Variants in KIF4A observed in about 807,000 individuals in gnomAD.
The protein encoded by KIF4A is chromosome-associated kinesin KIF4A.
In KIF4A, 7 loss-of-function variants were observed where a neutral mutation model predicts 105.9. The observed-to-expected ratio is 0.07, with a 90% confidence interval of 0.04 to 0.12. The LOEUF (loss-of-function observed/expected upper bound fraction) is 0.12. Ranked by LOEUF, KIF4A falls within the 10% of genes least tolerant of loss-of-function variation. The probability of loss-of-function intolerance (pLI) is 1.00; values close to 1 mark genes in which losing one functional copy is unlikely to be tolerated. For synonymous variants in KIF4A, 281 were observed against 331.3 expected, an observed-to-expected ratio of 0.85 and a Z score of 1.65; for missense variants, 558 against 929.2, an observed-to-expected ratio of 0.60 and a Z score of 5.19.
intron 23 of KIF4A, among the ~76,000 whole-genome samples, chrX:70,403,323 T>C (rs2086288958): frequency 8.9e-6 from 1 of 112,494 alleles, no homozygotes; most frequent in South Asian, 3.7e-4. Context: ...TTGATCAGTC[T>C]TGTGAACACT....
intron 7 of KIF4A, 88 bp from the exon 8 acceptor site, chrX:70,329,317 T>C: frequency 8.6e-6 from 7 of 810,164 alleles, no homozygotes; most frequent in Non-Finnish European, 1.1e-5. Context: ...TTTTATGGGG[T>C]CTTTATTTCT....
At chrX:70,404,657 A>C in intron 24 of KIF4A, 58 bp from the exon 25 acceptor site, 2 of 853,362 alleles carry the variant, frequency 2.3e-6, no homozygotes, top group South Asian at 4.7e-5. Flanking sequence ...ACTAAGTCAA[A>C]ATTTCTTTTT....
chrX:70,401,289 A>C (rs763082063), intron 22 of KIF4A, among the ~76,000 whole-genome samples: 24 of 109,797 alleles, frequency 2.2e-4, no homozygotes, highest in Admixed American at 3.9e-4. Context: ...CATGTTGGCC[A>C]GGATGGTCTC....
intron 20 of KIF4A, among the ~76,000 whole-genome samples, chrX:70,392,488 TATCGTTCTAATATCTGTAA>T (rs1444077727): frequency 9.0e-6 from 1 of 111,364 alleles, no homozygotes; most frequent in Non-Finnish European, 1.9e-5. Context: ...CATATTCCCT[TATCGTTCTAATATCTGTAA>T]AATCTCAGCC....
intron 7 of KIF4A, among the ~76,000 whole-genome samples, chrX:70,315,140 T>C (rs1305121549): frequency 8.9e-6 from 1 of 112,211 alleles, no homozygotes; most frequent in African/African-American, 3.2e-5. Context: ...CTCAACATTA[T>C]GTTCTTGAGA....
At chrX:70,339,840 G>A (rs928778624) in intron 10 of KIF4A, among the ~76,000 whole-genome samples, 6 of 111,910 alleles carry the variant, frequency 5.4e-5, no homozygotes, top group Non-Finnish European at 9.4e-5. Context: ...GAAAACATTG[G>A]TTTTCTGTTA....
At chrX:70,303,389 A>T (rs2085812108) in intron 7 of KIF4A, among the ~76,000 whole-genome samples, 1 of 111,968 alleles carries the variant, frequency 8.9e-6, no homozygotes, top group African/African-American at 3.3e-5. Context: ...ACTCTTATTA[A>T]AGCAGTTGGG....
intron 7 of KIF4A, 68 bp downstream of exon 7, chrX:70,302,466 G>A: frequency 9.7e-7 from 1 of 1,026,868 alleles, no homozygotes; most frequent in Non-Finnish European, 1.3e-6. Context: ...TATTGTTGGT[G>A]TTTTCGACTG....
At chrX:70,344,349 T>C (rs1024264715) in intron 13 of KIF4A, among the ~76,000 whole-genome samples, 1 of 111,977 alleles carries the variant, frequency 8.9e-6, no homozygotes, top group Non-Finnish European at 1.9e-5. Context: ...TTCTGACAGA[T>C]AGCTTAAGGC....
intron 7 of KIF4A, among the ~76,000 whole-genome samples, chrX:70,318,492 G>C (rs2085878606): frequency 9.0e-6 from 1 of 111,613 alleles, no homozygotes; most frequent in Non-Finnish European, 1.9e-5. Context: ...CTTCTTGTTT[G>C]TGTATCCCAA....
At chrX:70,396,161 T>C (rs1325971071) in intron 22 of KIF4A, 112 bp downstream of exon 22, 4 of 526,384 alleles carry the variant, frequency 7.6e-6, no homozygotes, top group Non-Finnish European at 1.2e-5. Context: ...CACGAGAAAA[T>C]AACAATTTTT....
intron 4 of KIF4A, among the ~76,000 whole-genome samples, chrX:70,297,421 G>A (rs911744331): frequency 4.5e-5 from 5 of 112,040 alleles, no homozygotes; most frequent in African/African-American, 1.3e-4. Context: ...TATAAAAGGT[G>A]ATAGGAATTC....
chrX:70,335,556 AT>A (rs749521480), intron 10 of KIF4A, among the ~76,000 whole-genome samples: 22 of 112,370 alleles, frequency 2.0e-4, no homozygotes, highest in African/African-American at 6.8e-4. Flanking sequence ...GTTTCCCATG[AT>A]TTTCCAATTT....
rs373191653 is a variant in KIF4A, at chrX:70,330,282, A to G, written c.1021A>G (p.Ile341Val). 11 of 1,210,944 alleles carry G rather than the reference A, an allele frequency of 9.1e-6. No homozygotes were observed. The Admixed American group carries it at 1.3e-4, about 14-fold the overall frequency. ...AGCAAGAAAAATCAAGAACAAACCT[A>G]TTGTTAATATTGATCCCCAGACAGC... is the stretch of plus-strand genomic sequence containing the variant. The part of the protein sequence containing the change: ...DRARKIKNKP[I>V]VNIDPQTAEL... Residue 341 changes from isoleucine (I) to valine (V), a missense_variant, in exon 9 of 31, where the codon ATT becomes GTT. Around this residue, in one of 2 missense-constraint regions of KIF4A, gnomAD observed 469 missense variants for 680.4 expected, o/e 0.69. Transcript: ENST00000374403.
At chrX:70,397,532 G>A (rs2086264835) in intron 22 of KIF4A, among the ~76,000 whole-genome samples, 1 of 112,117 alleles carries the variant, frequency 8.9e-6, no homozygotes, top group African/African-American at 3.2e-5. Context: ...ACTCATATTG[G>A]CTCTAAAAAG....
At chrX:70,371,685 G>C (rs112408004) in intron 15 of KIF4A, among the ~76,000 whole-genome samples, 2 of 106,957 alleles carry the variant, frequency 1.9e-5, no homozygotes, top group African/African-American at 3.4e-5. Flanking sequence ...CGGACGGGAC[G>C]GCTGGCCGGG....
At chrX:70,375,953 T>C in intron 17 of KIF4A, 147 bp from the exon 18 acceptor site, 1 of 424,528 alleles carries the variant, frequency 2.4e-6, no homozygotes, top group East Asian at 3.8e-5. Flanking sequence ...CAAGGGGTAT[T>C]GTAAGCCTAA....
At chrX:70,391,955 C>CT (rs34793051) in intron 20 of KIF4A, among the ~76,000 whole-genome samples, 47,224 of 109,339 alleles carry the variant, frequency 0.43, 8,382 homozygotes, top group Non-Finnish European at 0.55. Flanking sequence ...TGATTTTGTT[C>CT]TTTTTTTTAT....
chrX:70,407,199 C>A, intron 28 of KIF4A, 124 bp downstream of exon 28: 2 of 754,672 alleles, frequency 2.7e-6, no homozygotes, highest in Non-Finnish European at 1.9e-6. Context: ...CCTCTGCCTC[C>A]CAAGTTCAAG....
Sources: gnomAD v4.1 joint callset for allele counts (sites outside exome capture counted in the v4.1 genomes callset) on GRCh38, gnomAD v4.1.1 for gene constraint, gnomAD v4.1.1 regional missense constraint, MANE v1.5 for transcripts, NCBI Gene and HGNC (gene_info 2026-07-23, HGNC 2026-07-21) for gene names.